Variants in NKAIN2 observed in about 807,000 individuals in gnomAD.
The protein encoded by NKAIN2 is sodium/potassium transporting ATPase interacting 2.
In NKAIN2, 14 loss-of-function variants were observed where a neutral mutation model predicts 32.6. That is an observed-to-expected ratio of 0.43 (90% CI 0.28 to 0.67). The LOEUF is 0.67. Among genes scored for constraint, NKAIN2 ranks in the 30% least tolerant of loss-of-function variants. The probability of loss-of-function intolerance (pLI) is 0.17; values close to 1 mark genes in which losing one functional copy is unlikely to be tolerated. For synonymous variants in NKAIN2, 80 were observed against 87.2 expected (o/e 0.92, Z 0.46); for missense variants, 198 against 258.3 (o/e 0.77, Z 1.60).
chr6:124,335,913 C>A (rs1037456373), intron 2 of NKAIN2, among the ~76,000 whole-genome samples: 2 of 152,028 alleles, frequency 1.3e-5, no homozygotes, highest in Non-Finnish European at 2.9e-5. Context: ...GTTTTTCATG[C>A]CATTCCTCAT....
At chr6:124,175,757 C>T (rs147952997) in intron 1 of NKAIN2, among the ~76,000 whole-genome samples, 1 of 152,108 alleles carries the variant, frequency 6.6e-6, no homozygotes, top group Non-Finnish European at 1.5e-5. Context: ...TAAATGTAGC[C>T]TCACTGGGTT....
intron 3 of NKAIN2, among the ~76,000 whole-genome samples, chr6:124,386,836 C>A (rs780557116): frequency 6.6e-6 from 1 of 152,126 alleles, no homozygotes; most frequent in Non-Finnish European, 1.5e-5. Context: ...TATTTGTAAA[C>A]TATTGATTTC....
At chr6:124,788,804 A>G (rs1779619971) in intron 4 of NKAIN2, among the ~76,000 whole-genome samples, 2 of 152,114 alleles carry the variant, frequency 1.3e-5, no homozygotes, top group Admixed American at 1.3e-4. Flanking sequence ...ATTGTGGGAA[A>G]TAATCTGAAA....
intron 4 of NKAIN2, among the ~76,000 whole-genome samples, chr6:124,680,314 T>A (rs1284110129): frequency 2.6e-5 from 4 of 152,156 alleles, no homozygotes; most frequent in Non-Finnish European, 5.9e-5. Flanking sequence ...GATGATTTGA[T>A]GAGTCAAAGA....
intron 1 of NKAIN2, among the ~76,000 whole-genome samples, chr6:124,110,436 C>A (rs1182578070): frequency 6.6e-6 from 1 of 151,900 alleles, no homozygotes; most frequent in Non-Finnish European, 1.5e-5. Context: ...TCAGGGAGTG[C>A]ATGTACGGAT....
At chr6:123,977,387 A>C (rs904036293) in intron 1 of NKAIN2, among the ~76,000 whole-genome samples, 3 of 152,290 alleles carry the variant, frequency 2.0e-5, no homozygotes, top group African/African-American at 7.2e-5. Context: ...CTCCAGCCTG[A>C]GCAACAGAGT....
intron 1 of NKAIN2, among the ~76,000 whole-genome samples, chr6:124,110,819 C>T (rs1785350355): frequency 2.0e-5 from 3 of 152,028 alleles, no homozygotes; most frequent in Admixed American, 1.3e-4. Context: ...AGATTGAGTC[C>T]GTGTCTTTGC....
chr6:124,520,138 A>T (rs964064744), intron 3 of NKAIN2, among the ~76,000 whole-genome samples: 1 of 152,208 alleles, frequency 6.6e-6, no homozygotes, highest in African/African-American at 2.4e-5. Flanking sequence ...CAGAAAGGCC[A>T]ATACGAAAAG....
intron 3 of NKAIN2, among the ~76,000 whole-genome samples, chr6:124,559,439 C>T (rs781254066): frequency 6.6e-5 from 10 of 152,090 alleles, no homozygotes; most frequent in South Asian, 2.1e-4. Context: ...TAGCCTTCAG[C>T]GATAGACGAT....
intron 1 of NKAIN2, among the ~76,000 whole-genome samples, chr6:123,814,446 G>A (rs1309847536): frequency 6.6e-6 from 1 of 152,158 alleles, no homozygotes; most frequent in African/African-American, 2.4e-5. Flanking sequence ...CAGGCAAATA[G>A]GGTAAGTTCA....
At chr6:124,018,003 C>T (rs114956738) in intron 1 of NKAIN2, among the ~76,000 whole-genome samples, 1,912 of 152,310 alleles carry the variant, frequency 0.013, 45 homozygotes, top group African/African-American at 0.043. Context: ...ATAGGGGCTT[C>T]ACCCCTGCAG....
intron 4 of NKAIN2, among the ~76,000 whole-genome samples, chr6:124,763,081 C>T (rs543586549): frequency 2.0e-4 from 30 of 152,166 alleles, no homozygotes; most frequent in East Asian, 9.7e-4. Context: ...CTCACTTATA[C>T]GCAGAATCTA....
intron 1 of NKAIN2, among the ~76,000 whole-genome samples, chr6:124,171,064 T>G (rs948410248): frequency 6.6e-6 from 1 of 152,152 alleles, no homozygotes; most frequent in African/African-American, 2.4e-5. Context: ...ATTTGAGATG[T>G]GTGGGAAAGA....
At chr6:124,393,070 T>A (rs960161598) in intron 3 of NKAIN2, among the ~76,000 whole-genome samples, 2 of 152,150 alleles carry the variant, frequency 1.3e-5, no homozygotes, top group African/African-American at 4.8e-5. Context: ...GTGTTTCTTG[T>A]CAGATTGTTG....
At chr6:124,631,957 A>G (rs1783586961) in intron 3 of NKAIN2, among the ~76,000 whole-genome samples, 1 of 152,200 alleles carries the variant, frequency 6.6e-6, no homozygotes, top group Non-Finnish European at 1.5e-5. Context: ...GAGATTTGGT[A>G]TCACACAATT....
chr6:124,438,652 C>T (rs1421658400), intron 3 of NKAIN2, among the ~76,000 whole-genome samples: 1 of 152,138 alleles, frequency 6.6e-6, no homozygotes. Flanking sequence ...GCTTAGCCTG[C>T]TCTCATGCAG....
intron 3 of NKAIN2, among the ~76,000 whole-genome samples, chr6:124,587,314 C>T (rs181957229): frequency 1.3e-5 from 2 of 152,038 alleles, no homozygotes; most frequent in East Asian, 1.9e-4. Flanking sequence ...AATGCAACCT[C>T]CGCCTCCTGG....
chr6:123,827,138 C>G (rs4895923), intron 1 of NKAIN2, among the ~76,000 whole-genome samples: 18,321 of 152,074 alleles, frequency 0.12, 1,897 homozygotes, highest in East Asian at 0.56. Flanking sequence ...ATTAATCTAT[C>G]TTTTATGGAG....
chr6:124,169,881 A>G (rs1005194865), intron 1 of NKAIN2, among the ~76,000 whole-genome samples: 4 of 152,124 alleles, frequency 2.6e-5, no homozygotes, highest in Non-Finnish European at 4.4e-5. Context: ...TCTTTGGTCC[A>G]TTTTGGGTCA....
Sources: allele counts gnomAD v4.1 joint callset (sites outside exome capture counted in the v4.1 genomes callset), GRCh38; gene constraint gnomAD v4.1.1; transcripts MANE v1.5; gene names NCBI Gene and HGNC (gene_info 2026-07-23, HGNC 2026-07-21).